Variants in SV2B observed in about 807,000 individuals in gnomAD.
SV2B encodes the protein solute carrier family 22 member B2.
In SV2B, 41 loss-of-function variants were observed where a neutral mutation model predicts 73.9. The observed-to-expected ratio is 0.56, with a 90% CI of 0.43 to 0.72. The LOEUF (loss-of-function observed/expected upper bound fraction) is 0.72, where lower values mean the gene tolerates loss of function less well. Among genes scored for constraint, SV2B ranks in the 30% least tolerant of loss-of-function variants. The probability of loss-of-function intolerance (pLI) is 0.00; values close to 1 mark genes in which losing one functional copy is unlikely to be tolerated. For missense variants in SV2B, 764 were observed against 857.8 expected (o/e 0.89, Z 1.37); for synonymous variants, 314 against 314.2 (o/e 1.00, Z 0.01).
intron 2 of SV2B, among the ~76,000 whole-genome samples, 196 bp downstream of exon 2, chr15:91,226,910 G>C (rs1025374912): frequency 1.3e-5 from 2 of 152,134 alleles, no homozygotes; most frequent in African/African-American, 4.8e-5. Context: ...GGTTTCTATT[G>C]AGGTCTATCT....
chr15:91,235,915 A>G (rs548635911), intron 2 of SV2B, among the ~76,000 whole-genome samples: 2 of 152,290 alleles, frequency 1.3e-5, no homozygotes, highest in South Asian at 4.2e-4. Context: ...GGGGAGAGAG[A>G]GAAGACCGGG....
At position 91,284,276 on chromosome 15, in the gene SV2B, C is replaced by G; in HGVS notation, c.1708+55C>G. The G allele has an allele frequency of 6.3e-7, 1 of 1,583,188 alleles. No homozygotes were observed. The highest frequency in any genetic ancestry group is 1.1e-5 in the South Asian group (1 of 89,554). ...TCCAACGCGCTGGGGTGGTGACTTT[C>G]AAGTGTATTAAACAGGGAAATTTTC... On this transcript the variant is annotated intron_variant, in intron 11 of 12. Coordinates refer to ENST00000394232, the MANE Select transcript of SV2B (RefSeq NM_001323032.3). This position sits in a 1 kb window ranked among gnomAD's most constrained non-coding sequence, Gnocchi z 4.5.
chr15:91,251,809 C>A lies in SV2B; in HGVS notation c.452-10C>A, dbSNP rs370316095. The A allele has an allele frequency of 7.5e-5, 121 of 1,613,390 alleles. No individual in the cohort carries two copies. Among genetic ancestry groups the A allele is most frequent in the Non-Finnish European group, 9.9e-5 (117 of 1,179,616 alleles). Reference sequence around the variant, plus strand: ...CTCTCTATTCTCTCCTCTCCTCCCCCTCATTGCAGGGATGATAGTCTACTT... The same window carrying A: ...CTCTCTATTCTCTCCTCTCCTCCCCATCATTGCAGGGATGATAGTCTACTT... On this transcript the variant is annotated splice_polypyrimidine_tract_variant and intron_variant, in intron 2 of 12. Transcript: ENST00000394232.
At position 91,297,641 on chromosome 15, in the gene SV2B, T is replaced by C. The variant is rs2049298285; in HGVS notation, c.*5089T>C. ...GACACTCTTCCAATAGGTGGTACTT[T>C]GACTTGTCAGGGAAGTTCTATTGCT... On this transcript the variant is annotated 3_prime_UTR_variant, in exon 13 of 13. Coordinates refer to ENST00000394232, the MANE Select transcript of SV2B (RefSeq NM_001323032.3). The surrounding 1 kb of genome is among the most constrained non-coding windows in gnomAD (Gnocchi z 5.1). 1 of 152,238 alleles carries C rather than the reference T, an allele frequency of 6.6e-6. No individual in the cohort carries two copies. The highest frequency in any genetic ancestry group is 2.4e-5 in the African/African-American group (1 of 41,464). The allele number at this position is 152,238 out of a possible 1,614,324, so 9.4% of individuals were successfully genotyped here. A position where few individuals can be genotyped will look rare whatever the true frequency, so the allele number is the denominator to read the frequency against.
chr15:91,119,819 AT>A (rs2042280460), intron 1 of SV2B, among the ~76,000 whole-genome samples: 1 of 152,178 alleles, frequency 6.6e-6, no homozygotes, highest in Non-Finnish European at 1.5e-5. Context: ...TTTATTTTTC[AT>A]TTATTTGATT....
intron 1 of SV2B, among the ~76,000 whole-genome samples, chr15:91,138,419 C>T (rs1244177008): frequency 6.6e-6 from 1 of 152,138 alleles, no homozygotes; most frequent in East Asian, 1.9e-4. Flanking sequence ...TCTAGACTGA[C>T]CTATCAATTT....
chr15:91,194,845 G>A (rs186375910), intron 1 of SV2B, among the ~76,000 whole-genome samples: 33 of 152,300 alleles, frequency 2.2e-4, no homozygotes, highest in African/African-American at 7.7e-4. Flanking sequence ...AAGTGTGGCA[G>A]TGTGGCTAGG....
intron 2 of SV2B, among the ~76,000 whole-genome samples, chr15:91,248,251 G>A (rs537490519): frequency 6.6e-6 from 1 of 152,202 alleles, no homozygotes; most frequent in Admixed American, 6.5e-5. Flanking sequence ...AACCCGGGAG[G>A]CGGAGCTTGC....
chr15:91,266,457 G>T, intron 6 of SV2B, 125 bp from the exon 7 acceptor site: 1 of 679,992 alleles, frequency 1.5e-6, no homozygotes, highest in Non-Finnish European at 2.4e-6. Context: ...TTTTGAGTAT[G>T]CTCTTTGAGA....
chr15:91,230,949 C>T (rs1230511670), intron 2 of SV2B, among the ~76,000 whole-genome samples: 3 of 152,014 alleles, frequency 2.0e-5, no homozygotes, highest in Admixed American at 1.3e-4. Context: ...GGCTGGGGGG[C>T]GTTCTGGAGT....
chr15:91,252,658 C>T lies in SV2B; in HGVS notation c.784+138C>T. The T allele has an allele frequency of 1.1e-6, 1 of 920,496 alleles. No individual in the cohort carries two copies. Among genetic ancestry groups the T allele is most frequent in the Non-Finnish European group, 1.4e-6 (1 of 693,416 alleles). The allele number at this position is 920,496 out of a possible 1,614,324, so 57.0% of individuals were successfully genotyped here. On this transcript the variant is annotated intron_variant, in intron 4 of 12. Coordinates refer to ENST00000394232, the MANE Select transcript of SV2B (RefSeq NM_001323032.3). This position sits in a 1 kb window ranked among gnomAD's most constrained non-coding sequence, Gnocchi z 4.6. ...TGACCTTGATCTTTCTTAACAACTT[C>T]TAACATTGCAGACACATTGTTAATT... is the stretch of plus-strand genomic sequence containing the variant.
At chr15:91,138,563 TA>T (rs1567283013) in intron 1 of SV2B, among the ~76,000 whole-genome samples, 2 of 152,154 alleles carry the variant, frequency 1.3e-5, no homozygotes, top group African/African-American at 4.8e-5. Flanking sequence ...AAGATTTTTT[TA>T]AAAAAATGGA....
chr15:91,119,280 A>G (rs2042260983), intron 1 of SV2B, among the ~76,000 whole-genome samples: 1 of 152,214 alleles, frequency 6.6e-6, no homozygotes, highest in East Asian at 1.9e-4. Flanking sequence ...ATGGATGAAG[A>G]AAGAAGTTAA....
chr15:91,167,564 C>T (rs1274691740), intron 1 of SV2B, among the ~76,000 whole-genome samples: 3 of 152,130 alleles, frequency 2.0e-5, no homozygotes, highest in Non-Finnish European at 2.9e-5. Context: ...GTTTTGTCTT[C>T]ACACCTCTTT....
In SV2B at chr15:91,241,810, C is replaced by G. The variant is rs952127642; in HGVS notation, c.452-10009C>G. Among the ~76,000 whole-genome samples, 8 of 152,138 alleles carry G rather than the reference C, an allele frequency of 5.3e-5. No individual in the cohort carries two copies. The highest frequency in any genetic ancestry group is 1.9e-4 in the African/African-American group (8 of 41,414). ...GTAACTCCTCCTCATCAATATTTAT[C>G]TCTCTATGGAATCATTCCCACCAGC... On this transcript the variant is annotated intron_variant, in intron 2 of 12. Transcript: ENST00000394232. This position sits in a 1 kb window ranked among gnomAD's most constrained non-coding sequence, Gnocchi z 4.8.
chr15:91,264,136 C>T (rs928468139), intron 6 of SV2B, among the ~76,000 whole-genome samples: 1 of 152,244 alleles, frequency 6.6e-6, no homozygotes, highest in African/African-American at 2.4e-5. Context: ...GTGTCTCGTA[C>T]AGAAGGTTCC....
chr15:91,125,138 G>T (rs1222120420), intron 1 of SV2B, among the ~76,000 whole-genome samples: 1 of 152,136 alleles, frequency 6.6e-6, no homozygotes, highest in African/African-American at 2.4e-5. Context: ...TTCTCTTCTT[G>T]TAGGGACACT....
chr15:91,215,946 G>T (rs1246603193), intron 1 of SV2B, among the ~76,000 whole-genome samples: 2 of 152,026 alleles, frequency 1.3e-5, no homozygotes, highest in African/African-American at 4.8e-5. Context: ...TAAAGTATTT[G>T]TTTTTTTCTC....
At chr15:91,149,821 T>C (rs1301637095) in intron 1 of SV2B, among the ~76,000 whole-genome samples, 1 of 152,192 alleles carries the variant, frequency 6.6e-6, no homozygotes, top group African/African-American at 2.4e-5. Flanking sequence ...CCATGATACT[T>C]GCTGGTTCCC....
Sources: allele counts gnomAD v4.1 joint callset (sites outside exome capture counted in the v4.1 genomes callset), GRCh38; gene constraint gnomAD v4.1.1; non-coding constraint Gnocchi (gnomAD v3.1); transcripts MANE v1.5; gene names NCBI Gene and HGNC (gene_info 2026-07-23, HGNC 2026-07-21).